ENOX1: variants seen among roughly 807,000 people sequenced by gnomAD.
The protein encoded by ENOX1 is ecto-NOX disulfide-thiol exchanger 1, also known as candidate growth-related and time keeping constitutive hydroquinone (NADH) oxidase.
Under a neutral mutation model 82.5 loss-of-function variants are expected in ENOX1, and 42 were observed. That is an observed-to-expected ratio of 0.51 (90% confidence interval 0.40 to 0.66). The LOEUF (loss-of-function observed/expected upper bound fraction) is 0.66. Among genes scored for constraint, ENOX1 ranks in the 30% least tolerant of loss-of-function variants. ENOX1 has a pLI of 0.00. For synonymous variants in ENOX1, 271 were observed against 282.2 expected, an observed-to-expected ratio of 0.96 and a Z score of 0.40; for missense variants, 608 against 811.6, an observed-to-expected ratio of 0.75 and a Z score of 3.05.
intron 1 of ENOX1, among the ~76,000 whole-genome samples, chr13:43,711,486 G>A (rs994125316): frequency 3.3e-5 from 5 of 152,112 alleles, no homozygotes; most frequent in African/African-American, 1.2e-4. Flanking sequence ...GATCCCTGAG[G>A]AATCACCATA....
chr13:43,270,985 C>G (rs1173427712), intron 12 of ENOX1, among the ~76,000 whole-genome samples: 1 of 152,182 alleles, frequency 6.6e-6, no homozygotes, highest in East Asian at 1.9e-4. Context: ...GTGTCCAGAC[C>G]GTGGGGAATG....
chr13:43,518,399 A>G (rs1179588741), intron 2 of ENOX1, among the ~76,000 whole-genome samples: 1 of 152,048 alleles, frequency 6.6e-6, no homozygotes, highest in Non-Finnish European at 1.5e-5. Flanking sequence ...CAGCACAGGT[A>G]ATCAGTTCCA....
intron 10 of ENOX1, among the ~76,000 whole-genome samples, chr13:43,323,380 T>C (rs989259315): frequency 9.2e-5 from 14 of 152,230 alleles, no homozygotes; most frequent in Admixed American, 7.2e-4. Context: ...AGTTATTTAT[T>C]TGAGACTTTG....
At chr13:43,635,639 T>TA (rs1328680393) in intron 2 of ENOX1, among the ~76,000 whole-genome samples, 1 of 152,150 alleles carries the variant, frequency 6.6e-6, no homozygotes, top group African/African-American at 2.4e-5. Context: ...TTATCCAATA[T>TA]AAAATATGAT....
intron 9 of ENOX1, among the ~76,000 whole-genome samples, chr13:43,328,256 T>C (rs371143665): frequency 2.0e-5 from 3 of 152,192 alleles, no homozygotes; most frequent in Admixed American, 6.5e-5. Context: ...GCTTTCTGCA[T>C]GTTTTGTCTG....
intron 2 of ENOX1, among the ~76,000 whole-genome samples, chr13:43,638,249 C>T (rs574798658): frequency 9.7e-4 from 147 of 152,240 alleles, no homozygotes; most frequent in Admixed American, 3.5e-3. Flanking sequence ...CAAGCTATTT[C>T]CCATGAGATT....
At chr13:43,524,853 C>T (rs565657521) in intron 2 of ENOX1, among the ~76,000 whole-genome samples, 1 of 152,206 alleles carries the variant, frequency 6.6e-6, no homozygotes, top group South Asian at 2.1e-4. Context: ...ATTATATATG[C>T]ATCAGTTGAC....
intron 1 of ENOX1, among the ~76,000 whole-genome samples, chr13:43,763,257 C>T (rs1021306306): frequency 2.0e-5 from 3 of 152,036 alleles, no homozygotes; most frequent in African/African-American, 7.2e-5. Flanking sequence ...GCTGGGAAGC[C>T]CAAGATCAAG....
chr13:43,437,293 G>T (rs73471853), intron 3 of ENOX1, among the ~76,000 whole-genome samples: 1 of 152,134 alleles, frequency 6.6e-6, no homozygotes, highest in Non-Finnish European at 1.5e-5. Context: ...TCAGCCTGAC[G>T]TGGTGATGGG....
intron 3 of ENOX1, among the ~76,000 whole-genome samples, chr13:43,461,877 G>A (rs1363412380): frequency 4.6e-5 from 7 of 152,296 alleles, no homozygotes; most frequent in East Asian, 1.9e-4. Flanking sequence ...TGTAATTAGC[G>A]CAATCACTTT....
chr13:43,444,840 G>C (rs917620442), intron 3 of ENOX1, among the ~76,000 whole-genome samples: 1 of 152,176 alleles, frequency 6.6e-6, no homozygotes, highest in African/African-American at 2.4e-5. Flanking sequence ...CTGTATAAAA[G>C]AAGATGGTTT....
At chr13:43,706,467 C>A (rs2087291924) in intron 1 of ENOX1, among the ~76,000 whole-genome samples, 2 of 151,848 alleles carry the variant, frequency 1.3e-5, no homozygotes, top group African/African-American at 4.8e-5. Flanking sequence ...AATCACAAAC[C>A]AATATCACTC....
At chr13:43,571,911 G>A (rs941041450) in intron 2 of ENOX1, among the ~76,000 whole-genome samples, 4 of 151,992 alleles carry the variant, frequency 2.6e-5, no homozygotes, top group Non-Finnish European at 5.9e-5. Context: ...GGTGGTGCAT[G>A]CGCAAGGAGT....
chr13:43,677,042 C>T (rs150677417), intron 1 of ENOX1, among the ~76,000 whole-genome samples: 3 of 152,178 alleles, frequency 2.0e-5, no homozygotes, highest in African/African-American at 7.2e-5. Context: ...GACCCTTCAA[C>T]AAGGCCTTAT....
intron 1 of ENOX1, among the ~76,000 whole-genome samples, chr13:43,716,886 T>C (rs1034034109): frequency 6.6e-6 from 1 of 151,774 alleles, no homozygotes; most frequent in Non-Finnish European, 1.5e-5. Flanking sequence ...AAATCAGAGA[T>C]GAAACAAATA....
chr13:43,471,292 C>T (rs1021116197), intron 3 of ENOX1, among the ~76,000 whole-genome samples: 6 of 151,922 alleles, frequency 3.9e-5, no homozygotes, highest in Non-Finnish European at 8.8e-5. Flanking sequence ...GGTAGGGATA[C>T]TGGGAGGGGC....
chr13:43,652,576 G>T (rs1019574677), intron 2 of ENOX1, among the ~76,000 whole-genome samples: 6 of 152,112 alleles, frequency 3.9e-5, no homozygotes. Flanking sequence ...GGTGGAGGAG[G>T]GTGACTAAGT....
At chr13:43,616,208 T>A (rs1259118169) in intron 2 of ENOX1, among the ~76,000 whole-genome samples, 363 of 12,112 alleles carry the variant, frequency 0.03, 33 homozygotes, top group East Asian at 0.25. Context: ...ATATATATTT[T>A]TTTTTTTTTT....
At chr13:43,634,274 T>C (rs1227178927) in intron 2 of ENOX1, among the ~76,000 whole-genome samples, 1 of 152,152 alleles carries the variant, frequency 6.6e-6, no homozygotes, top group African/African-American at 2.4e-5. Flanking sequence ...TATTGTTGCA[T>C]ATTTATTTAC....
Sources: gnomAD v4.1 joint callset for allele counts (sites outside exome capture counted in the v4.1 genomes callset) on GRCh38, gnomAD v4.1.1 for gene constraint, MANE v1.5 for transcripts, NCBI Gene and HGNC (gene_info 2026-07-23, HGNC 2026-07-21) for gene names.